Variants in NIBAN1 observed in about 807,000 individuals in gnomAD.
NIBAN1 encodes niban apoptosis regulator 1, also known as protein Niban 1.
A neutral mutation model predicts 75.1 loss-of-function variants in NIBAN1; 81 were observed. The observed-to-expected ratio is 1.08, with a 90% CI of 0.90 to 1.30. The LOEUF (loss-of-function observed/expected upper bound fraction) is 1.30, where lower values mean the gene tolerates loss of function less well. NIBAN1 is among the 50% of genes most tolerant of loss of function. NIBAN1 has a pLI of 0.00. For synonymous variants in NIBAN1, 436 were observed against 424.8 expected (o/e 1.03, Z -0.32); for missense variants, 1,133 against 1,128.1 (o/e 1.00, Z -0.06).
At chr1:184,867,251 A>C (rs906580421) in intron 5 of NIBAN1, among the ~76,000 whole-genome samples, 1 of 152,086 alleles carries the variant, frequency 6.6e-6, no homozygotes, top group Middle Eastern at 3.2e-3. Context: ...CATTCACTTA[A>C]CGAATAGCCT....
At chr1:184,818,948 G>C in intron 8 of NIBAN1, 123 bp from the exon 9 acceptor site, 1 of 1,055,636 alleles carries the variant, frequency 9.5e-7, no homozygotes, top group Non-Finnish European at 1.3e-6. Context: ...AAGCTCAAGA[G>C]GCCATGACAG....
chr1:184,894,321 C>G (rs1415074019), intron 2 of NIBAN1, 115 bp from the exon 3 acceptor site: 9 of 1,144,660 alleles, frequency 7.9e-6, no homozygotes, highest in Non-Finnish European at 8.2e-6. Context: ...CCACTGAGAT[C>G]CTGGGGAAAC....
intron 1 of NIBAN1, among the ~76,000 whole-genome samples, chr1:184,951,005 T>A (rs1408706866): frequency 1.3e-5 from 2 of 152,174 alleles, no homozygotes; most frequent in Non-Finnish European, 2.9e-5. Flanking sequence ...GTTGAGGCAA[T>A]GGATATAAGC....
chr1:184,834,046 C>A (rs529248870), intron 5 of NIBAN1, among the ~76,000 whole-genome samples: 1 of 106,154 alleles, frequency 9.4e-6, no homozygotes, highest in Admixed American at 1.2e-4. Flanking sequence ...GTGTGATGTT[C>A]CCCACCCTGT....
intron 1 of NIBAN1, among the ~76,000 whole-genome samples, chr1:184,951,569 A>T (rs767783765): frequency 6.6e-6 from 1 of 151,672 alleles, no homozygotes; most frequent in Admixed American, 6.6e-5. Context: ...TGTCAGCTCT[A>T]CCTCCAAAAT....
At chr1:184,835,450 T>G (rs945917535) in intron 5 of NIBAN1, among the ~76,000 whole-genome samples, 2 of 152,226 alleles carry the variant, frequency 1.3e-5, no homozygotes, top group Non-Finnish European at 1.5e-5. Context: ...GCCATTTTCA[T>G]GATATTCTTT....
intron 1 of NIBAN1, among the ~76,000 whole-genome samples, chr1:184,912,466 G>C (rs1157475513): frequency 6.6e-6 from 1 of 152,086 alleles, no homozygotes; most frequent in East Asian, 1.9e-4. Flanking sequence ...CCCACTAGCA[G>C]GGTATAAGAG....
In NIBAN1 at chr1:184,794,723, CCT is replaced by C; in HGVS notation, c.*252_*253del. On this transcript the variant is annotated 3_prime_UTR_variant, in exon 14 of 14. Coordinates refer to ENST00000367511, the MANE Select transcript of NIBAN1 (RefSeq NM_052966.4). ...TTCCCTCCTCAGACATCCTCAGCTC[CCT>C]CTCACCCCAAGTATGCCATTGTCTT... 1 of 554,330 alleles carries C rather than the reference CCT, an allele frequency of 1.8e-6. No homozygotes were observed. Among genetic ancestry groups the C allele is most frequent in the East Asian group, 3.3e-5 (1 of 30,522 alleles). The allele number at this position is 554,330 out of a possible 1,614,324, so 34.3% of individuals were successfully genotyped here. A position where few individuals can be genotyped will look rare whatever the true frequency, so the allele number is the denominator to read the frequency against.
At chr1:184,830,180 C>A (rs1654958281) in intron 6 of NIBAN1, among the ~76,000 whole-genome samples, 1 of 152,212 alleles carries the variant, frequency 6.6e-6, no homozygotes, top group Admixed American at 6.5e-5. Context: ...AACTGCCTTA[C>A]CCATCTCATA....
At chr1:184,942,650 C>T (rs1238616108) in intron 1 of NIBAN1, among the ~76,000 whole-genome samples, 2 of 151,140 alleles carry the variant, frequency 1.3e-5, no homozygotes, top group Non-Finnish European at 2.9e-5. Flanking sequence ...GCCCAGATTG[C>T]CCCACTGCAC....
At chr1:184,936,873 G>A (rs1307387101) in intron 1 of NIBAN1, among the ~76,000 whole-genome samples, 1 of 152,044 alleles carries the variant, frequency 6.6e-6, no homozygotes, top group African/African-American at 2.4e-5. Flanking sequence ...TGACATCTTT[G>A]GGGAGCATTC....
At chr1:184,908,311 G>A (rs2102001140) in intron 1 of NIBAN1, among the ~76,000 whole-genome samples, 1 of 152,274 alleles carries the variant, frequency 6.6e-6, no homozygotes, top group East Asian at 1.9e-4. Flanking sequence ...TGGGTAAGCA[G>A]AGGCAAAAAT....
intron 6 of NIBAN1, among the ~76,000 whole-genome samples, chr1:184,827,543 G>A (rs544731349): frequency 3.3e-5 from 4 of 123,012 alleles, no homozygotes; most frequent in African/African-American, 1.4e-4. Flanking sequence ...TAACATAAGT[G>A]ACCTAAAAAT....
rs1380343754 is a variant in NIBAN1, at chr1:184,890,133, A to G, written c.408T>C (p.Ser136=). Residue 136 remains serine, a synonymous_variant, in exon 4 of 14, where the codon TCT becomes TCC. Transcript: ENST00000367511. ...CAAGAGGGTCTGGGAAATGCCTGTC[A>G]GACAACAGATTATATTCATCTTCTG... ...LTSEDEYNLL[S]DRHFPDPLAS... The G allele has an allele frequency of 6.2e-7, 1 of 1,613,896 alleles. No homozygotes were observed. The highest frequency in any genetic ancestry group is 1.7e-5 in the Admixed American group (1 of 60,012).
chr1:184,878,015 C>A (rs753216345), intron 5 of NIBAN1, among the ~76,000 whole-genome samples: 42 of 151,902 alleles, frequency 2.8e-4, no homozygotes, highest in Non-Finnish European at 4.6e-4. Flanking sequence ...AATTTTTAGA[C>A]CTTCATACCA....
chr1:184,836,624 A>G (rs1655152863), intron 5 of NIBAN1, among the ~76,000 whole-genome samples: 1 of 152,222 alleles, frequency 6.6e-6, no homozygotes, highest in African/African-American at 2.4e-5. Context: ...GAGAGCTCCA[A>G]TGTAATAGTG....
chr1:184,811,523 T>TGTTTTTTTTTTTG (rs71101944), intron 9 of NIBAN1, among the ~76,000 whole-genome samples: 1 of 132,052 alleles, frequency 7.6e-6, no homozygotes, highest in Admixed American at 7.2e-5. Flanking sequence ...GTTTTTTTTT[T>TGTTTTTTTTTTTG]TGAGACGGAG....
intron 1 of NIBAN1, among the ~76,000 whole-genome samples, chr1:184,947,052 A>C (rs573948197): frequency 1.5e-4 from 18 of 118,088 alleles, no homozygotes; most frequent in Admixed American, 5.1e-4. Context: ...CAGCCTGGGC[A>C]ACAAGAGCAA....
intron 1 of NIBAN1, among the ~76,000 whole-genome samples, chr1:184,966,022 AAGTG>A (rs1190286376): frequency 3.9e-5 from 6 of 152,238 alleles, no homozygotes; most frequent in African/African-American, 1.2e-4. Flanking sequence ...ACATCTTTTT[AAGTG>A]AGTAAGACTA....
Sources: gnomAD v4.1 joint callset for allele counts (sites outside exome capture counted in the v4.1 genomes callset) on GRCh38, gnomAD v4.1.1 for gene constraint, MANE v1.5 for transcripts, NCBI Gene and HGNC (gene_info 2026-07-23, HGNC 2026-07-21) for gene names.